ULK4: variants seen among roughly 807,000 people sequenced by gnomAD.
ULK4 encodes inactive serine/threonine-protein kinase ULK4.
In ULK4, 133 loss-of-function variants were observed where a neutral mutation model predicts 160.6. That is an observed-to-expected ratio of 0.83 (90% CI 0.72 to 0.96). ULK4 has a LOEUF of 0.96. ULK4 is among the 40% of genes least tolerant of loss of function. ULK4 has a pLI of 0.00. For synonymous variants in ULK4, 534 were observed against 539.8 expected, an observed-to-expected ratio of 0.99 and a Z score of 0.15; for missense variants, 1,580 against 1,499.5, an observed-to-expected ratio of 1.05 and a Z score of -0.89.
intron 34 of ULK4, among the ~76,000 whole-genome samples, chr3:41,424,814 C>T (rs1323637000): frequency 1.2e-5 from 1 of 82,842 alleles, no homozygotes; most frequent in Non-Finnish European, 2.3e-5. Context: ...GATAATCTCA[C>T]AAAGATAAGA....
intron 32 of ULK4, among the ~76,000 whole-genome samples, chr3:41,463,457 T>G (rs1323613967): frequency 6.6e-6 from 1 of 152,182 alleles, no homozygotes; most frequent in Non-Finnish European, 1.5e-5. Flanking sequence ...AGGAAAATAC[T>G]TGTTAAAGAA....
chr3:41,738,391 C>G (rs1001608021), intron 22 of ULK4, among the ~76,000 whole-genome samples: 1 of 151,882 alleles, frequency 6.6e-6, no homozygotes, highest in African/African-American at 2.4e-5. Flanking sequence ...TGTTGCTCAT[C>G]AGGGCAAACA....
intron 2 of ULK4, among the ~76,000 whole-genome samples, chr3:41,948,108 T>A (rs1038161194): frequency 4.6e-5 from 7 of 152,204 alleles, no homozygotes; most frequent in Non-Finnish European, 1.0e-4. Context: ...CTATGTGTTC[T>A]CTATGTATTT....
At chr3:41,627,401 T>C (rs2033564634) in intron 30 of ULK4, among the ~76,000 whole-genome samples, 1 of 152,016 alleles carries the variant, frequency 6.6e-6, no homozygotes, top group Non-Finnish European at 1.5e-5. Flanking sequence ...TATCTACTCA[T>C]AAAAAGAGTA....
chr3:41,381,742 A>G (rs1328665000), intron 35 of ULK4, among the ~76,000 whole-genome samples: 1 of 152,104 alleles, frequency 6.6e-6, no homozygotes, highest in African/African-American at 2.4e-5. Flanking sequence ...ACTACTCTCA[A>G]TGCAACAGCC....
At chr3:41,914,663 G>A (rs1410378520) in intron 8 of ULK4, 2 of 152,114 alleles carry the variant, frequency 1.3e-5, no homozygotes, top group Admixed American at 6.5e-5. Context: ...TCCAAATCAA[G>A]AGGCATTCTA....
At chr3:41,586,767 A>G (rs187647798) in intron 31 of ULK4, among the ~76,000 whole-genome samples, 112 of 152,294 alleles carry the variant, frequency 7.4e-4, no homozygotes, top group African/African-American at 2.6e-3. Context: ...TGTTTCTTCA[A>G]TATCAGAAAG....
chr3:41,832,955 G>C (rs1412059476), intron 18 of ULK4, among the ~76,000 whole-genome samples: 1 of 152,088 alleles, frequency 6.6e-6, no homozygotes, highest in Non-Finnish European at 1.5e-5. Flanking sequence ...ATAGTTTAAA[G>C]TCAGGCAGTG....
intron 17 of ULK4, chr3:41,859,306 C>T (rs1262018964): frequency 5.2e-6 from 3 of 574,920 alleles, no homozygotes; most frequent in South Asian, 2.9e-5. Flanking sequence ...GCATTCTCTC[C>T]TCGTGACCTC....
At position 41,506,767 on chromosome 3, in the gene ULK4, A is replaced by AAAAAAAAAAAAAATATATATAAAT; in HGVS notation, c.3227-43515_3227-43514insATTTATATATATTTTTTTTTTTTT. On this transcript the variant is annotated intron_variant, in intron 32 of 36. Transcript: ENST00000301831. ...AGCAATACACTGGAGTGTGATTTAA[A>AAAAAAAAAAAAAATATATATAAAT]ATATATATATATATATATATATATA... is the stretch of plus-strand genomic sequence containing the variant. Among the ~76,000 whole-genome samples the AAAAAAAAAAAAAATATATATAAAT allele has an allele frequency of 4.6e-4, 26 of 56,794 alleles. 2 individuals carry two copies. The highest frequency in any genetic ancestry group is 1.3e-3 in the South Asian group (2 of 1,536). The allele number at this position is 56,794 out of a possible 152,430, so 37.3% of individuals were successfully genotyped here.
At chr3:41,368,476 C>A (rs1055847903) in intron 35 of ULK4, among the ~76,000 whole-genome samples, 7 of 152,152 alleles carry the variant, frequency 4.6e-5, no homozygotes, top group Admixed American at 1.3e-4. Context: ...TTTTAGAATA[C>A]CTTCATCATT....
chr3:41,264,337 G>A (rs1262507898), intron 35 of ULK4, among the ~76,000 whole-genome samples: 2 of 152,216 alleles, frequency 1.3e-5, no homozygotes, highest in African/African-American at 4.8e-5. Flanking sequence ...CCCTAACCAC[G>A]CTGACACAGT....
intron 21 of ULK4, among the ~76,000 whole-genome samples, chr3:41,767,771 T>G (rs1362382004): frequency 6.6e-6 from 1 of 152,168 alleles, no homozygotes; most frequent in East Asian, 1.9e-4. Context: ...TTCCTACAGC[T>G]GGTAGGAAAG....
chr3:41,748,165 C>A (rs1336041314), intron 22 of ULK4, among the ~76,000 whole-genome samples: 2 of 150,898 alleles, frequency 1.3e-5, no homozygotes, highest in East Asian at 3.9e-4. Context: ...TATATACACA[C>A]ACACATACAC....
chr3:41,647,724 A>C (rs1390681427), intron 30 of ULK4, among the ~76,000 whole-genome samples: 2 of 152,242 alleles, frequency 1.3e-5, no homozygotes, highest in Non-Finnish European at 2.9e-5. Flanking sequence ...CTCTCTTCAA[A>C]GCTGTCAGAC....
chr3:41,428,306 T>C (rs1429075381), intron 34 of ULK4, among the ~76,000 whole-genome samples: 1 of 152,176 alleles, frequency 6.6e-6, no homozygotes, highest in African/African-American at 2.4e-5. Flanking sequence ...TGCTCATGGA[T>C]ATGAAGAATA....
At chr3:41,736,094 T>A (rs1160442797) in intron 22 of ULK4, among the ~76,000 whole-genome samples, 4 of 151,616 alleles carry the variant, frequency 2.6e-5, no homozygotes, top group Admixed American at 2.0e-4. Flanking sequence ...TCTATCATTG[T>A]TGGACATTTG....
chr3:41,309,348 A>G (rs1289415967), intron 35 of ULK4, among the ~76,000 whole-genome samples: 5 of 152,072 alleles, frequency 3.3e-5, no homozygotes, highest in South Asian at 2.1e-4. Flanking sequence ...ATTTTAAGGG[A>G]TGGGGTCTCC....
chr3:41,702,567 G>T (rs1056685028), intron 27 of ULK4, among the ~76,000 whole-genome samples: 2 of 152,052 alleles, frequency 1.3e-5, no homozygotes, highest in Non-Finnish European at 2.9e-5. Flanking sequence ...TCAAAACAAA[G>T]TTTGCATGAT....
Sources: gnomAD v4.1 joint callset for allele counts (sites outside exome capture counted in the v4.1 genomes callset) on GRCh38, gnomAD v4.1.1 for gene constraint, MANE v1.5 for transcripts, NCBI Gene and HGNC (gene_info 2026-07-23, HGNC 2026-07-21) for gene names.